CSNK1G1: variants seen among roughly 807,000 people sequenced by gnomAD.
The protein encoded by CSNK1G1 is casein kinase 1 gamma 1.
In CSNK1G1, 22 loss-of-function variants were observed where a neutral mutation model predicts 59.6. The observed-to-expected ratio is 0.37, with a 90% CI of 0.26 to 0.53. CSNK1G1 has a LOEUF of 0.53. Ranked by LOEUF, CSNK1G1 falls within the 20% of genes least tolerant of loss-of-function variation. The probability of loss-of-function intolerance (pLI) is 0.89; values close to 1 mark genes in which losing one functional copy is unlikely to be tolerated. For synonymous variants in CSNK1G1, 179 were observed against 177.1 expected, an observed-to-expected ratio of 1.01 and a Z score of -0.08; for missense variants, 384 against 519.5, an observed-to-expected ratio of 0.74 and a Z score of 2.54.
chr15:64,285,180 C>T (rs1894342608), intron 2 of CSNK1G1, among the ~76,000 whole-genome samples: 1 of 152,020 alleles, frequency 6.6e-6, no homozygotes, highest in African/African-American at 2.4e-5. Context: ...TTATGGTTAA[C>T]AGTTCTAGTA....
At position 64,204,952 on chromosome 15, in the gene CSNK1G1, G is replaced by A. The variant is rs776454633; in HGVS notation, c.766-3C>T. 1.3e-6 allele frequency: 2 copies of A among 1,561,946 alleles called. No homozygotes were observed. Among genetic ancestry groups the A allele is most frequent in the Middle Eastern group, 1.7e-4 (1 of 5,962 alleles). On this transcript the variant is annotated splice_region_variant and splice_polypyrimidine_tract_variant and intron_variant, in intron 7 of 11. Coordinates refer to ENST00000303052, the MANE Select transcript of CSNK1G1 (RefSeq NM_022048.5). ...TATCTCTCTTTTAATGTGTCAGCCT[G>A]TAGAGAGTAAAGAGAGAAAGTTACT...
chr15:64,178,551 G>A (rs999860889), intron 11 of CSNK1G1, among the ~76,000 whole-genome samples: 2 of 145,270 alleles, frequency 1.4e-5, no homozygotes, highest in Admixed American at 7.1e-5. Context: ...GCACAATCTC[G>A]ACTCACCACA....
rs147649570 is a variant in CSNK1G1 at position 64,320,640 on chromosome 15, A to G, written c.-224-19917T>C. ...GTTGCAGTGAGCTGAGATCGTGTCA[A>G]TGTACTCCAGCCTGGGTGACAGAAC... is the stretch of plus-strand genomic sequence containing the variant. On this transcript the variant is annotated intron_variant, in intron 1 of 11. Transcript: ENST00000303052. 1.1e-3 allele frequency among the ~76,000 whole-genome samples: 158 copies of G among 149,286 alleles called. 1 individual carries two copies. The East Asian group carries it at 0.029, about 28-fold the overall frequency.
At chr15:64,286,883 A>T (rs975784087) in intron 2 of CSNK1G1, among the ~76,000 whole-genome samples, 22 of 152,198 alleles carry the variant, frequency 1.4e-4, no homozygotes, top group African/African-American at 5.3e-4. Flanking sequence ...TCTGACGATT[A>T]ATGTTGGGGA....
At chr15:64,203,284 G>T in intron 9 of CSNK1G1, 95 bp from the exon 10 acceptor site, 1 of 826,998 alleles carries the variant, frequency 1.2e-6, no homozygotes, top group Non-Finnish European at 2.0e-6. Context: ...TAGAGTAGTA[G>T]TAATTATTTT....
intron 4 of CSNK1G1, among the ~76,000 whole-genome samples, chr15:64,238,518 A>AATAT (rs1212005568): frequency 0.012 from 609 of 49,152 alleles, 11 homozygotes; most frequent in South Asian, 0.049. Flanking sequence ...AAAAAAAAAA[A>AATAT]ATATATATAT....
intron 2 of CSNK1G1, among the ~76,000 whole-genome samples, chr15:64,299,607 T>TTA (rs60611043): frequency 0.02 from 3,015 of 150,546 alleles, 115 homozygotes; most frequent in African/African-American, 0.069. Flanking sequence ...AAAAAAAATT[T>TTA]TATATATATA....
At chr15:64,276,946 C>CA (rs1304321213) in intron 2 of CSNK1G1, among the ~76,000 whole-genome samples, 2,229 of 53,764 alleles carry the variant, frequency 0.041, 170 homozygotes, top group South Asian at 0.4. Flanking sequence ...GACTCCATCT[C>CA]AAAAAAAAAA....
At position 64,249,127 on chromosome 15, in the gene CSNK1G1, A is replaced by T. The variant is rs558446112; in HGVS notation, c.292+2385T>A. 7.2e-5 allele frequency among the ~76,000 whole-genome samples: 11 copies of T among 152,240 alleles called. No homozygotes were observed. The South Asian group carries it at 2.1e-3, about 29-fold the overall frequency. Reference sequence around the variant, plus strand: ...CATAGCAAGACTCCATCTAAATTTTAAAAATAATAAATATATAAATAAATG... The same window carrying T: ...CATAGCAAGACTCCATCTAAATTTTTAAAATAATAAATATATAAATAAATG... On this transcript the variant is annotated intron_variant, in intron 4 of 11. Coordinates refer to ENST00000303052, the MANE Select transcript of CSNK1G1 (RefSeq NM_022048.5).
chr15:64,344,831 C>A (rs1031657715), intron 1 of CSNK1G1, among the ~76,000 whole-genome samples: 3 of 152,156 alleles, frequency 2.0e-5, no homozygotes, highest in Non-Finnish European at 4.4e-5. Flanking sequence ...TCTAACTAGA[C>A]CATCTCCATA....
intron 1 of CSNK1G1, among the ~76,000 whole-genome samples, chr15:64,312,800 T>A (rs1420947059): frequency 6.6e-6 from 1 of 152,030 alleles, no homozygotes; most frequent in East Asian, 1.9e-4. Context: ...AAAGAAACTA[T>A]CATCAGAGTG....
rs553681122 is a variant in CSNK1G1, at chr15:64,343,637, C to T, written c.-225+12351G>A. Reference sequence around the variant, plus strand: ...CCCCTCTAAATTACTGTAATGTTGACAGATTAGATCAAGTTTTTGCTTCAT... The same window carrying T: ...CCCCTCTAAATTACTGTAATGTTGATAGATTAGATCAAGTTTTTGCTTCAT... On this transcript the variant is annotated intron_variant, in intron 1 of 11. Coordinates refer to ENST00000303052, the MANE Select transcript of CSNK1G1 (RefSeq NM_022048.5). Among the ~76,000 whole-genome samples, 61 of 152,080 alleles carry T rather than the reference C, an allele frequency of 4.0e-4. 2 individuals carry two copies. The East Asian group carries it at 0.012, about 30-fold the overall frequency.
intron 4 of CSNK1G1, among the ~76,000 whole-genome samples, chr15:64,226,572 A>AAACAAACAAAC (rs1398004250): frequency 2.6e-5 from 4 of 151,488 alleles, no homozygotes; most frequent in African/African-American, 9.7e-5. Context: ...ACAAACAAAC[A>AAACAAACAAAC]AACAAACAAA....
rs968374726 is a variant in CSNK1G1, at chr15:64,292,208, A to T, written c.181+8111T>A. On this transcript the variant is annotated intron_variant, in intron 2 of 11. Transcript: ENST00000303052. ...CTGGGCGACAGAGCGAGACTCCGTC[A>T]CAAAAAAAAAAAAAAAAAGTTCCAA... Among the ~76,000 whole-genome samples the T allele has an allele frequency of 4.7e-5, 7 of 149,340 alleles. No individual in the cohort carries two copies. The South Asian group carries it at 1.5e-3, about 32-fold the overall frequency.
chr15:64,277,775 TTAA>T (rs1164090672), intron 2 of CSNK1G1, among the ~76,000 whole-genome samples: 3,801 of 120,568 alleles, frequency 0.032, 185 homozygotes, highest in Non-Finnish European at 0.047. Context: ...ATTGATATAT[TTAA>T]TAATATATTA....
intron 2 of CSNK1G1, among the ~76,000 whole-genome samples, chr15:64,288,030 A>G (rs1195557750): frequency 6.6e-6 from 1 of 152,244 alleles, no homozygotes; most frequent in East Asian, 1.9e-4. Context: ...GCCATCCAGC[A>G]GAAAAGGAAT....
chr15:64,178,788 TTGTG>T (rs142872852), intron 11 of CSNK1G1, among the ~76,000 whole-genome samples: 102 of 150,026 alleles, frequency 6.8e-4, no homozygotes, highest in African/African-American at 2.4e-3. Flanking sequence ...CCAAAAACTT[TTGTG>T]TGTGTGTGTG....
intron 4 of CSNK1G1, among the ~76,000 whole-genome samples, chr15:64,243,050 C>T (rs1188315589): frequency 6.6e-6 from 1 of 151,894 alleles, no homozygotes; most frequent in Non-Finnish European, 1.5e-5. Context: ...AAAAAAAAAT[C>T]CTCGGCTGGG....
Position 64,207,517 on chromosome 15 carries a change from C to T in CSNK1G1, c.757G>A (p.Gly253Arg). The stretch of plus-strand genomic sequence containing the variant: ...AACACTTTCAAGGATACCTTGAGTC[C>T]TTGCCAGGGGAGGCTGCCTCGAAGG... ...YFLRGSLPWQ[G>R]LKADTLKERY... Residue 253 changes from glycine (G) to arginine (R), a missense_variant, in exon 7 of 12, where the codon GGA becomes AGA. Around this residue, in one of 3 missense-constraint regions of CSNK1G1, gnomAD observed 325 missense variants for 440.9 expected, o/e 0.74. Transcript: ENST00000303052. 1 of 1,611,972 alleles carries T rather than the reference C, an allele frequency of 6.2e-7. No individual in the cohort carries two copies. The highest frequency in any genetic ancestry group is 8.5e-7 in the Non-Finnish European group (1 of 1,178,076).
Sources: allele counts gnomAD v4.1 joint callset (sites outside exome capture counted in the v4.1 genomes callset), GRCh38; gene constraint gnomAD v4.1.1; regional missense constraint gnomAD v4.1.1; transcripts MANE v1.5; gene names NCBI Gene and HGNC (gene_info 2026-07-23, HGNC 2026-07-21).